TSNARE1: variants seen among roughly 807,000 people sequenced by gnomAD.
TSNARE1 encodes t-SNARE domain containing 1.
In TSNARE1, 49 loss-of-function variants were observed where a neutral mutation model predicts 62.0. The observed-to-expected ratio is 0.79, with a 90% CI of 0.63 to 1.00. TSNARE1 has a LOEUF of 1.00. TSNARE1 is among the 50% of genes least tolerant of loss of function. The pLI is 0.00. For missense variants in TSNARE1, 755 were observed against 700.1 expected (o/e 1.08, Z -0.88); for synonymous variants, 328 against 294.4 (o/e 1.11, Z -1.17).
chr8:142,293,363 G>A (rs1389524850), intron 10 of TSNARE1, among the ~76,000 whole-genome samples: 1 of 152,194 alleles, frequency 6.6e-6, no homozygotes, highest in African/African-American at 2.4e-5. Context: ...GGTGGGTGTG[G>A]GGCACGTGGA....
chr8:142,327,835 A>G (rs913026409), intron 6 of TSNARE1, among the ~76,000 whole-genome samples: 5 of 152,090 alleles, frequency 3.3e-5, no homozygotes, highest in Admixed American at 3.3e-4. Flanking sequence ...CAGGAAGGAG[A>G]GCACACCTCA....
Position 142,328,736 on chromosome 8 carries a change from C to G in TSNARE1, c.893+2165G>C, listed in dbSNP as rs192873078. Among the ~76,000 whole-genome samples, 14 of 151,318 alleles carry G rather than the reference C, an allele frequency of 9.3e-5. No homozygotes were observed. The East Asian group carries it at 2.8e-3, about 30-fold the overall frequency. On this transcript the variant is annotated intron_variant, in intron 6 of 13. Transcript: ENST00000524325. ...TAGAGCCCAGACAGAAGTGCGTGAG[C>G]TGAGCTGCCACTGAGCCCCGCCCAT...
chr8:142,385,394 G>A (rs370248417), intron 1 of TSNARE1, among the ~76,000 whole-genome samples: 205 of 152,300 alleles, frequency 1.3e-3, no homozygotes, highest in Non-Finnish European at 2.2e-3. Flanking sequence ...AAAGCTGACA[G>A]AGGAGATGCC....
intron 6 of TSNARE1, among the ~76,000 whole-genome samples, chr8:142,330,074 C>G (rs112548907): frequency 6.6e-6 from 1 of 152,204 alleles, no homozygotes; most frequent in South Asian, 2.1e-4. Flanking sequence ...CAGGGGAGTG[C>G]GAGGACAACG....
At chr8:142,293,259 C>T (rs1333521404) in intron 10 of TSNARE1, among the ~76,000 whole-genome samples, 1 of 152,262 alleles carries the variant, frequency 6.6e-6, no homozygotes, top group Non-Finnish European at 1.5e-5. Flanking sequence ...CCAGGGTTCA[C>T]CTGCTCACCC....
chr8:142,273,191 T>G, intron 12 of TSNARE1: 2 of 948,688 alleles, frequency 2.1e-6, no homozygotes, highest in Non-Finnish European at 2.5e-6. Context: ...CTCCTCCTCC[T>G]TCACCTCCTC....
At chr8:142,230,962 ACCAT>A (rs56309313) in intron 12 of TSNARE1, among the ~76,000 whole-genome samples, 1 of 146,864 alleles carries the variant, frequency 6.8e-6, no homozygotes, top group South Asian at 2.1e-4. Context: ...CCATCATCCA[ACCAT>A]CCATCCATCC....
chr8:142,272,627 T>G, intron 12 of TSNARE1: 1 of 366,824 alleles, frequency 2.7e-6, no homozygotes, highest in Non-Finnish European at 3.1e-6. Flanking sequence ...CCTCCTTCCA[T>G]CCATCCACCC....
chr8:142,353,047 G>A (rs1320596186), intron 2 of TSNARE1, among the ~76,000 whole-genome samples: 1 of 151,958 alleles, frequency 6.6e-6, no homozygotes, highest in Non-Finnish European at 1.5e-5. Flanking sequence ...CCCATGGAAG[G>A]AACCTCCATC....
chr8:142,285,258 A>C (rs1194855800), intron 10 of TSNARE1, among the ~76,000 whole-genome samples: 1 of 117,536 alleles, frequency 8.5e-6, no homozygotes, highest in African/African-American at 4.5e-5. Flanking sequence ...ATGGATGCGT[A>C]GGTGGATGGA....
At chr8:142,347,240 G>A (rs1285781457) in intron 2 of TSNARE1, among the ~76,000 whole-genome samples, 1 of 152,250 alleles carries the variant, frequency 6.6e-6, no homozygotes, top group Admixed American at 6.5e-5. Context: ...ACAACCCTCT[G>A]GAGGGGATGG....
At chr8:142,379,008 C>T (rs1014346811) in intron 1 of TSNARE1, among the ~76,000 whole-genome samples, 1 of 152,224 alleles carries the variant, frequency 6.6e-6, no homozygotes, top group Admixed American at 6.5e-5. Context: ...TCATAGCTCC[C>T]TGGATGCGGC....
Position 142,346,762 on chromosome 8 carries a change from A to T in TSNARE1, c.89-870T>A, listed in dbSNP as rs146167115. Among the ~76,000 whole-genome samples, 541 of 152,352 alleles carry T rather than the reference A, an allele frequency of 3.6e-3. 2 individuals are homozygous for T. Among genetic ancestry groups the T allele is most frequent in the African/African-American group, 0.012 (506 of 41,586 alleles). On this transcript the variant is annotated intron_variant, in intron 2 of 13. Coordinates refer to ENST00000524325, the MANE Select transcript of TSNARE1 (RefSeq NM_145003.5). ...TCGGCACAGTGGGTCCCAGGGCTGC[A>T]TCCTTGAGCCAAGCGCCTGAAGCAG...
chr8:142,343,927 A>C, intron 4 of TSNARE1, 39 bp downstream of exon 4: 2 of 1,491,818 alleles, frequency 1.3e-6, no homozygotes, highest in Middle Eastern at 1.8e-4. Context: ...TGCTGGACAG[A>C]GTGGCACCCT....
chr8:142,254,234 TG>T (rs1280906734), intron 12 of TSNARE1, among the ~76,000 whole-genome samples: 1 of 152,186 alleles, frequency 6.6e-6, no homozygotes, highest in African/African-American at 2.4e-5. Flanking sequence ...TGAGTTCTGC[TG>T]TGGTTTCCAG....
intron 9 of TSNARE1, among the ~76,000 whole-genome samples, chr8:142,307,651 T>C (rs1334418176): frequency 6.6e-6 from 1 of 152,232 alleles, no homozygotes; most frequent in African/African-American, 2.4e-5. Flanking sequence ...TCAGAACAGC[T>C]GCCATCTTTT....
chr8:142,343,948 G>A lies in TSNARE1; in HGVS notation c.745+18C>T, dbSNP rs369252158. ...ACAGAGTGGCACCCTAGCAAGGTGAGCTGAGCAAGGAACTCACCTCTGGGC... is the reference window on the plus strand; with the variant it reads ...ACAGAGTGGCACCCTAGCAAGGTGAACTGAGCAAGGAACTCACCTCTGGGC... On this transcript the variant is annotated intron_variant, in intron 4 of 13. Coordinates refer to ENST00000524325, the MANE Select transcript of TSNARE1 (RefSeq NM_145003.5). The A allele has an allele frequency of 1.0e-5, 15 of 1,504,806 alleles. No homozygotes were observed. Among genetic ancestry groups the A allele is most frequent in the East Asian group, 7.0e-5 (3 of 42,788 alleles). 93.2% of individuals were successfully genotyped at this position (1,504,806 alleles called of 1,614,324 possible). A position where few individuals can be genotyped will look rare whatever the true frequency, so the allele number is the denominator to read the frequency against.
chr8:142,295,155 C>A (rs748171438), intron 10 of TSNARE1, among the ~76,000 whole-genome samples: 2 of 152,174 alleles, frequency 1.3e-5, no homozygotes, highest in African/African-American at 4.8e-5. Flanking sequence ...TTCTCCCACC[C>A]GAGCAACCCA....
chr8:142,391,318 C>T (rs1292983981), intron 1 of TSNARE1, among the ~76,000 whole-genome samples: 1 of 148,990 alleles, frequency 6.7e-6, no homozygotes, highest in Non-Finnish European at 1.5e-5. Context: ...CTGCTGGAGA[C>T]TCTGTAACAG....
Sources: gnomAD v4.1 joint callset for allele counts (sites outside exome capture counted in the v4.1 genomes callset) on GRCh38, gnomAD v4.1.1 for gene constraint, MANE v1.5 for transcripts, NCBI Gene and HGNC (gene_info 2026-07-23, HGNC 2026-07-21) for gene names.